The following MYO16 variants were observed in gnomAD, a reference collection of about 807,000 sequenced individuals.
The protein encoded by MYO16 is myosin XVI, also known as unconventional myosin-XVI.
In MYO16, 94 loss-of-function variants were observed where a neutral mutation model predicts 205.3. The ratio of observed to expected loss-of-function variants is 0.46; its 90% CI spans 0.39 to 0.54. The LOEUF (loss-of-function observed/expected upper bound fraction) is 0.54, where lower values mean the gene tolerates loss of function less well. Ranked by LOEUF, MYO16 falls within the 20% of genes least tolerant of loss-of-function variation. The pLI, the probability that MYO16 is intolerant of heterozygous loss-of-function variation, is 0.00. For synonymous variants in MYO16, 988 were observed against 954.0 expected, an observed-to-expected ratio of 1.04 and a Z score of -0.66; for missense variants, 2,315 against 2,387.5, an observed-to-expected ratio of 0.97 and a Z score of 0.63.
At chr13:108,544,066 CAAAAAAAAAAAA>C in the MYO16 span, among the ~76,000 whole-genome samples, 272 of 51,390 alleles carry the variant, frequency 5.3e-3, 2 homozygotes, top group African/African-American at 0.018. Flanking sequence ...ACTCCGTCTC[CAAAAAAAAAAAA>C]AAAAAAAAAA....
intron 23 of MYO16, among the ~76,000 whole-genome samples, chr13:109,035,148 C>G (rs549261821): frequency 1.5e-5 from 2 of 136,254 alleles, no homozygotes; most frequent in East Asian, 3.4e-4. Context: ...TATAGCGTAC[C>G]ACAATAACCA....
the MYO16 span, among the ~76,000 whole-genome samples, chr13:108,581,729 T>C: frequency 2.6e-5 from 4 of 151,288 alleles, no homozygotes; most frequent in Non-Finnish European, 4.4e-5. Flanking sequence ...CTACTAAAAA[T>C]ACAAAAATTA....
intron 11 of MYO16, among the ~76,000 whole-genome samples, chr13:108,863,540 G>T (rs1203805780): frequency 6.6e-6 from 1 of 151,976 alleles, no homozygotes; most frequent in African/African-American, 2.4e-5. Context: ...CTAGAATAAA[G>T]CTATTTGAGG....
chr13:108,997,190 A>C (rs1205239393), intron 21 of MYO16, among the ~76,000 whole-genome samples: 3 of 151,830 alleles, frequency 2.0e-5, no homozygotes, highest in Non-Finnish European at 2.9e-5. Flanking sequence ...ACTCAGGAGA[A>C]TGAGACATGA....
intron 2 of MYO16, among the ~76,000 whole-genome samples, chr13:108,693,132 T>C (rs1412489291): frequency 6.6e-6 from 1 of 152,236 alleles, no homozygotes; most frequent in Admixed American, 6.5e-5. Context: ...CAGATAGTCT[T>C]ATAAATTACA....
chr13:109,007,975 A>C (rs1310352439), intron 21 of MYO16, among the ~76,000 whole-genome samples: 1 of 152,148 alleles, frequency 6.6e-6, no homozygotes, highest in African/African-American at 2.4e-5. Flanking sequence ...TCATTTCCTG[A>C]TGAGAGCTCA....
At chr13:109,044,776 G>T (rs1305428002) in intron 23 of MYO16, among the ~76,000 whole-genome samples, 4 of 152,024 alleles carry the variant, frequency 2.6e-5, no homozygotes, top group Non-Finnish European at 4.4e-5. Flanking sequence ...TGCAGCTTCC[G>T]CCTCCCAGGT....
At chr13:108,564,350 T>C in the MYO16 span, among the ~76,000 whole-genome samples, 2 of 152,080 alleles carry the variant, frequency 1.3e-5, no homozygotes, top group African/African-American at 4.8e-5. Context: ...TTTGTATTTT[T>C]AGTAGAGACG....
chr13:108,690,356 A>G (rs966372232), intron 2 of MYO16, among the ~76,000 whole-genome samples: 9 of 42,642 alleles, frequency 2.1e-4, no homozygotes, highest in Admixed American at 1.8e-3. Context: ...TGCCCAACTC[A>G]TTTCCTACTT....
chr13:108,746,494 T>C (rs1191082714), intron 4 of MYO16, among the ~76,000 whole-genome samples: 5 of 152,008 alleles, frequency 3.3e-5, no homozygotes, highest in Admixed American at 1.3e-4. Flanking sequence ...CAGTAATCTA[T>C]TATATATATC....
At chr13:108,994,666 T>C (rs1884947465) in intron 21 of MYO16, among the ~76,000 whole-genome samples, 1 of 152,218 alleles carries the variant, frequency 6.6e-6, no homozygotes, top group Non-Finnish European at 1.5e-5. Flanking sequence ...TAATATGTTT[T>C]TTATTCTGTT....
chr13:108,997,183 C>T (rs1885029973), intron 21 of MYO16, among the ~76,000 whole-genome samples: 1 of 151,728 alleles, frequency 6.6e-6, no homozygotes, highest in African/African-American at 2.4e-5. Flanking sequence ...CCCAGCCACT[C>T]AGGAGAATGA....
intron 27 of MYO16, among the ~76,000 whole-genome samples, chr13:109,057,459 G>T (rs576655180): frequency 6.6e-6 from 1 of 152,228 alleles, no homozygotes; most frequent in East Asian, 1.9e-4. Context: ...CTACAAAGTT[G>T]GGCTTACACA....
chr13:109,018,600 C>A (rs1487833046), intron 22 of MYO16, among the ~76,000 whole-genome samples: 2 of 152,162 alleles, frequency 1.3e-5, no homozygotes, highest in Admixed American at 6.5e-5. Flanking sequence ...GTGAGCAAGG[C>A]TCTGTAGGCA....
At chr13:108,989,459 G>T (rs1436966162) in intron 20 of MYO16, among the ~76,000 whole-genome samples, 3 of 152,082 alleles carry the variant, frequency 2.0e-5, no homozygotes, top group Non-Finnish European at 2.9e-5. Context: ...TTCTTTCCAG[G>T]CCTTCTGGAT....
At chr13:108,679,971 T>A (rs1243132455) in intron 2 of MYO16, among the ~76,000 whole-genome samples, 2 of 152,156 alleles carry the variant, frequency 1.3e-5, no homozygotes, top group African/African-American at 4.8e-5. Context: ...ACTTTGTATG[T>A]TCTAGTCCCA....
intron 4 of MYO16, among the ~76,000 whole-genome samples, chr13:108,773,910 G>A (rs771706991): frequency 5.9e-5 from 9 of 151,982 alleles, no homozygotes; most frequent in Non-Finnish European, 1.2e-4. Context: ...GGCCAACATA[G>A]CAAAACCCTG....
In MYO16 at chr13:108,898,075, T is replaced by C. The variant is rs1880516556; in HGVS notation, c.1719T>C (p.Ser573=). 2.5e-6 allele frequency: 4 copies of C among 1,614,130 alleles called. No individual in the cohort carries two copies. In the East Asian group the frequency reaches 8.9e-5, roughly 36 times the overall value. Residue 573 remains serine, a synonymous_variant, in exon 15 of 35, where the codon AGT becomes AGC. Coordinates refer to ENST00000457511, the MANE Select transcript of MYO16 (RefSeq NM_001198950.3). ...AGACCACACTTAATGATTTGTCCAGTTGCTTCATCAAGTATTTTGAACTGC... is the reference window on the plus strand; with the variant it reads ...AGACCACACTTAATGATTTGTCCAGCTGCTTCATCAAGTATTTTGAACTGC... The part of the protein sequence containing the change: ...HAKTTLNDLS[S]CFIKYFELQF...
chr13:108,702,711 A>T (rs1883357717), intron 2 of MYO16, among the ~76,000 whole-genome samples: 1 of 152,186 alleles, frequency 6.6e-6, no homozygotes, highest in Non-Finnish European at 1.5e-5. Flanking sequence ...AAATAAATGA[A>T]TATAAGTCTG....
Sources: allele counts gnomAD v4.1 joint callset (sites outside exome capture counted in the v4.1 genomes callset), GRCh38; gene constraint gnomAD v4.1.1; transcripts MANE v1.5; gene names NCBI Gene and HGNC (gene_info 2026-07-23, HGNC 2026-07-21).